CFAP20DC: variants seen among roughly 807,000 people sequenced by gnomAD.
CFAP20DC encodes the protein protein CFAP20DC.
CFAP20DC carries 84 observed loss-of-function variants against 101.7 expected under a neutral mutation model. The ratio of observed to expected loss-of-function variants is 0.83; its 90% CI spans 0.69 to 0.99. The LOEUF is 0.99. Among genes scored for constraint, CFAP20DC ranks in the 50% least tolerant of loss-of-function variants. CFAP20DC has a pLI of 0.00. For synonymous variants in CFAP20DC, 359 were observed against 351.2 expected, an observed-to-expected ratio of 1.02 and a Z score of -0.25; for missense variants, 1,007 against 970.3, an observed-to-expected ratio of 1.04 and a Z score of -0.50.
rs931296198 is a variant in CFAP20DC at position 58,895,369 on chromosome 3, T to C, written c.551-10660A>G. Among the ~76,000 whole-genome samples, 4 of 152,302 alleles carry C rather than the reference T, an allele frequency of 2.6e-5. No individual in the cohort carries two copies. The East Asian group carries it at 7.7e-4, about 29-fold the overall frequency. On this transcript the variant is annotated intron_variant, in intron 6 of 16. Transcript: ENST00000482387. ...CTGCTTAGAAATTTCTTCCACCAGA[T>C]ACCCTAAATCATCCCTCTCAAGGTC...
chr3:58,767,136 G>T (rs919763970), intron 15 of CFAP20DC, among the ~76,000 whole-genome samples: 1 of 152,150 alleles, frequency 6.6e-6, no homozygotes, highest in Admixed American at 6.5e-5. Context: ...TATTGAAATA[G>T]TGTCTTTCTT....
intron 14 of CFAP20DC, among the ~76,000 whole-genome samples, chr3:58,822,241 C>T (rs1188781236): frequency 2.7e-5 from 4 of 149,724 alleles, no homozygotes; most frequent in Admixed American, 1.3e-4. Context: ...CACATGTATA[C>T]ATATGTAACT....
intron 14 of CFAP20DC, among the ~76,000 whole-genome samples, chr3:58,829,267 G>A (rs2076237725): frequency 6.8e-6 from 1 of 147,314 alleles, no homozygotes; most frequent in Admixed American, 6.9e-5. Flanking sequence ...GTTGCAGTGA[G>A]CCAAGATCGA....
intron 4 of CFAP20DC, among the ~76,000 whole-genome samples, chr3:59,024,033 G>A (rs1175612913): frequency 1.3e-5 from 2 of 152,182 alleles, no homozygotes; most frequent in East Asian, 1.9e-4. Flanking sequence ...CAATGGATTG[G>A]ATGATTTTTA....
intron 4 of CFAP20DC, among the ~76,000 whole-genome samples, chr3:58,988,615 A>T (rs2092828484): frequency 6.6e-6 from 1 of 152,170 alleles, no homozygotes; most frequent in Non-Finnish European, 1.5e-5. Context: ...GTCAACTGTG[A>T]CAAAGATTTC....
chr3:58,979,185 C>T (rs1322709541), intron 4 of CFAP20DC, among the ~76,000 whole-genome samples: 1 of 152,178 alleles, frequency 6.6e-6, no homozygotes, highest in Non-Finnish European at 1.5e-5. Context: ...AGAGTGGAAG[C>T]TAAGCTAACA....
At chr3:58,993,629 C>A (rs2093012806) in intron 4 of CFAP20DC, among the ~76,000 whole-genome samples, 1 of 152,086 alleles carries the variant, frequency 6.6e-6, no homozygotes, top group African/African-American at 2.4e-5. Context: ...TGTTTCCTTC[C>A]ACGCATCCAT....
chr3:58,844,544 C>A (rs1233245585), intron 13 of CFAP20DC, among the ~76,000 whole-genome samples: 3 of 136,650 alleles, frequency 2.2e-5, no homozygotes, highest in Admixed American at 1.4e-4. Flanking sequence ...GAGACTTAGA[C>A]TCCCACACAT....
intron 4 of CFAP20DC, among the ~76,000 whole-genome samples, chr3:58,946,477 C>G (rs534042832): frequency 9.9e-4 from 151 of 152,188 alleles, no homozygotes; most frequent in African/African-American, 3.4e-3. Flanking sequence ...TGAATGTCAC[C>G]CCTAAGTTCC....
chr3:59,017,614 T>G (rs531760258), intron 4 of CFAP20DC: 1 of 152,146 alleles, frequency 6.6e-6, no homozygotes, highest in African/African-American at 2.4e-5. Flanking sequence ...TTGGTTGTTG[T>G]TGGATACCAG....
At chr3:58,988,368 A>G (rs2092820708) in intron 4 of CFAP20DC, among the ~76,000 whole-genome samples, 1 of 152,170 alleles carries the variant, frequency 6.6e-6, no homozygotes, top group South Asian at 2.1e-4. Context: ...AATAACTCCC[A>G]AATTTCGGAA....
At chr3:59,011,140 G>A (rs1258401450) in intron 4 of CFAP20DC, among the ~76,000 whole-genome samples, 1 of 152,204 alleles carries the variant, frequency 6.6e-6, no homozygotes, top group Non-Finnish European at 1.5e-5. Flanking sequence ...GCTCACGCCT[G>A]TAATCCCAGC....
intron 12 of CFAP20DC, among the ~76,000 whole-genome samples, chr3:58,858,051 C>A (rs182906794): frequency 5.1e-4 from 77 of 152,224 alleles, no homozygotes; most frequent in African/African-American, 1.8e-3. Flanking sequence ...TTTAGTTTAT[C>A]ATTTAGCTAC....
intron 4 of CFAP20DC, among the ~76,000 whole-genome samples, chr3:58,957,106 T>A (rs2090704608): frequency 6.6e-6 from 1 of 152,180 alleles, no homozygotes; most frequent in South Asian, 2.1e-4. Flanking sequence ...ACTACCCATG[T>A]GACAAGGGAC....
Position 58,722,351 on chromosome 3 carries a change from A to G in CFAP20DC, c.198-4723T>C, listed in dbSNP as rs951040099. 6.6e-6 allele frequency among the ~76,000 whole-genome samples: 1 copy of G among 152,146 alleles called. No individual in the cohort carries two copies. Among genetic ancestry groups the G allele is most frequent in the Non-Finnish European group, 1.5e-5 (1 of 68,026 alleles). On this transcript the variant is annotated intron_variant, in intron 3 of 3. Coordinates refer to the CFAP20DC transcript ENST00000486145. This position sits in a 1 kb window ranked among gnomAD's most constrained non-coding sequence, Gnocchi z 4.5. ...CGTGTACTACTATGGTAGTGGTCTTATATCACTCAAGTTTGGGGTGGTTTG... is the reference window on the plus strand; with the variant it reads ...CGTGTACTACTATGGTAGTGGTCTTGTATCACTCAAGTTTGGGGTGGTTTG...
chr3:58,809,402 T>C (rs2074408222), intron 14 of CFAP20DC, among the ~76,000 whole-genome samples: 1 of 152,092 alleles, frequency 6.6e-6, no homozygotes, highest in East Asian at 1.9e-4. Flanking sequence ...AGAAACTCAC[T>C]TAAAACCGCT....
At chr3:58,818,838 A>AT (rs1430831106) in intron 14 of CFAP20DC, among the ~76,000 whole-genome samples, 67 of 128,868 alleles carry the variant, frequency 5.2e-4, no homozygotes, top group Non-Finnish European at 7.9e-4. Flanking sequence ...CAGAATATAC[A>AT]TTTTTTTCAG....
intron 15 of CFAP20DC, among the ~76,000 whole-genome samples, chr3:58,780,363 G>A (rs1293500865): frequency 1.3e-5 from 2 of 152,036 alleles, no homozygotes; most frequent in Non-Finnish European, 2.9e-5. Context: ...TAAATAGTAA[G>A]AGCAAAATAA....
intron 15 of CFAP20DC, among the ~76,000 whole-genome samples, chr3:58,797,828 G>A (rs1575666693): frequency 6.6e-6 from 1 of 152,192 alleles, no homozygotes; most frequent in East Asian, 1.9e-4. Context: ...AAATCCTAGG[G>A]TTCTTAAGAG....
Sources: gnomAD v4.1 joint callset for allele counts (sites outside exome capture counted in the v4.1 genomes callset) on GRCh38, gnomAD v4.1.1 for gene constraint, Gnocchi (gnomAD v3.1) non-coding constraint, MANE v1.5 for transcripts, NCBI Gene and HGNC (gene_info 2026-07-23, HGNC 2026-07-21) for gene names.